CANX: variants seen among roughly 807,000 people sequenced by gnomAD.
The protein encoded by CANX is calnexin.
In CANX, 14 loss-of-function variants were observed where a neutral mutation model predicts 75.7. The observed-to-expected ratio is 0.19, with a 90% CI of 0.12 to 0.29. The LOEUF is 0.29. Among genes scored for constraint, CANX ranks in the 10% least tolerant of loss-of-function variants. The probability of loss-of-function intolerance (pLI) is 1.00; values close to 1 mark genes in which losing one functional copy is unlikely to be tolerated. For missense variants in CANX, 567 were observed against 713.2 expected, an observed-to-expected ratio of 0.79 and a Z score of 2.34; for synonymous variants, 227 against 236.9, an observed-to-expected ratio of 0.96 and a Z score of 0.38.
At chr5:179,697,002 T>C (rs1776420676), upstream of CANX, among the ~76,000 whole-genome samples, 2 of 152,242 alleles carry the variant, frequency 1.3e-5, no homozygotes, top group African/African-American at 4.8e-5. Flanking sequence ...TTGATGTTAC[T>C]ATTGTAATTG....
rs576637130 is a variant in CANX at position 179,682,744 on chromosome 5, G to A, written c.-4+3967G>A. Among the ~76,000 whole-genome samples, 35 of 149,404 alleles carry A rather than the reference G, an allele frequency of 2.3e-4. No individual in the cohort carries two copies. In the East Asian group the frequency reaches 6.1e-3, roughly 26 times the overall value. Reference sequence around the variant, plus strand: ...AAAAAAAAAACCCTAATTCTGATACGTACAGTGAAGAAAACAAACCAGGGA... The same window carrying A: ...AAAAAAAAAACCCTAATTCTGATACATACAGTGAAGAAAACAAACCAGGGA... On this transcript the variant is annotated intron_variant, in intron 1 of 14. Coordinates refer to the CANX transcript ENST00000681674.
At position 179,705,724 on chromosome 5, in the gene CANX, A is replaced by G. The variant is rs753040389; in HGVS notation, c.43A>G (p.Thr15Ala). 6 of 1,612,732 alleles carry G rather than the reference A, an allele frequency of 3.7e-6. No homozygotes were observed. The South Asian group carries it at 6.6e-5, about 18-fold the overall frequency. ...WLLCMLLVLG[T>A]AIVEAHDGHD... is the part of the protein sequence containing the mutation. The stretch of plus-strand genomic sequence containing the variant: ...GCTGTGTATGTTACTGGTGCTTGGA[A>G]CTGCTATTGTTGAGGCTCATGATGG... The change falls in exon 2 of 15, where the codon ACT becomes GCT. Residue 15 changes from threonine (T) to alanine (A), a missense_variant. Thr to Ala is a moderately conservative substitution (Grantham distance 58). This residue lies in a region of CANX where 351 missense variants were observed against 433.8 expected (regional missense o/e 0.81). Transcript: ENST00000247461.
At chr5:179,679,411 G>A in intron 1 of CANX, 3 of 660,490 alleles carry the variant, frequency 4.5e-6, no homozygotes, top group Non-Finnish European at 7.6e-6. Context: ...GTCGTTCCAC[G>A]CTGCACAGGC....
chr5:179,704,527 G>GA (rs548978305), intron 1 of CANX: 1,823 of 134,252 alleles, frequency 0.014, 30 homozygotes, highest in East Asian at 0.061. Context: ...CTCATCTCAG[G>GA]AAAAAAAAAA....
In CANX at chr5:179,726,669, T is replaced by G; in HGVS notation, c.1646-11T>G. 6.2e-7 allele frequency: 1 copy of G among 1,600,472 alleles called. No homozygotes were observed. Among genetic ancestry groups the G allele is most frequent in the South Asian group, 1.1e-5 (1 of 90,748 alleles). ...ATAAGGTTTTGCTCAGTTGTTTAAC[T>G]TCTGTCTTAGAAGAGAAACAGAAAA... On this transcript the variant is annotated splice_polypyrimidine_tract_variant and intron_variant, in intron 13 of 14. Transcript: ENST00000247461.
chr5:179,701,707 T>A (rs1776770893), intron 1 of CANX, among the ~76,000 whole-genome samples: 1 of 150,894 alleles, frequency 6.6e-6, no homozygotes, highest in Admixed American at 6.6e-5. Context: ...AAAGTCCTGG[T>A]TGAATTCTTT....
intron 7 of CANX, among the ~76,000 whole-genome samples, chr5:179,711,229 G>C (rs73338149): frequency 1.3e-5 from 2 of 151,966 alleles, no homozygotes; most frequent in African/African-American, 4.8e-5. Flanking sequence ...TTCCAAACCA[G>C]CCTGACAACA....
At chr5:179,715,854 T>G (rs767998829) in intron 7 of CANX, 1 of 540,490 alleles carries the variant, frequency 1.9e-6, no homozygotes. Flanking sequence ...ATAAGTCAAG[T>G]CTTTGGTGTT....
chr5:179,714,530 T>A (rs971205251), intron 7 of CANX, among the ~76,000 whole-genome samples: 9 of 151,988 alleles, frequency 5.9e-5, no homozygotes, highest in Admixed American at 3.9e-4. Context: ...TTTTATTTTT[T>A]TTTTTGAGAC....
intron 2 of CANX, 143 bp from the exon 3 acceptor site, chr5:179,706,115 A>G (rs1367603390): frequency 4.9e-6 from 3 of 609,382 alleles, no homozygotes; most frequent in Non-Finnish European, 8.5e-6. Flanking sequence ...TTGTCTTGCT[A>G]GAGGCCAATT....
At chr5:179,695,644 A>AGACAGGGTGTTACTC (rs981376237), upstream of CANX, among the ~76,000 whole-genome samples, 3 of 144,510 alleles carry the variant, frequency 2.1e-5, no homozygotes, top group Admixed American at 7.1e-5. Context: ...TTATTTATTT[A>AGACAGGGTGTTACTC]TTTATTTTTA....
At position 179,680,877 on chromosome 5, in the gene CANX, C is replaced by T. The variant is rs1175663410; in HGVS notation, c.-4+2100C>T. 12 of 1,536,476 alleles carry T rather than the reference C, an allele frequency of 7.8e-6. No individual in the cohort carries two copies. The Admixed American group carries it at 9.8e-5, about 13-fold the overall frequency. On this transcript the variant is annotated intron_variant, in intron 1 of 14. Transcript: ENST00000681674. ...CAGAGGCTGGATGGTACATACCATCCCCAAGATCTGGTTCAGGGAGATGGT... is the reference window on the plus strand; with the variant it reads ...CAGAGGCTGGATGGTACATACCATCTCCAAGATCTGGTTCAGGGAGATGGT...
At chr5:179,714,757 T>A (rs890817224) in intron 7 of CANX, among the ~76,000 whole-genome samples, 8 of 152,078 alleles carry the variant, frequency 5.3e-5, no homozygotes, top group Non-Finnish European at 7.4e-5. Context: ...GACCTCGTGA[T>A]TCGCCCGTCT....
intron 1 of CANX, 43 bp downstream of exon 1, chr5:179,699,145 C>G (rs957623322): frequency 6.1e-6 from 6 of 983,590 alleles, no homozygotes; most frequent in Non-Finnish European, 7.3e-6. Flanking sequence ...CTGTGAGGAC[C>G]TCGGGGGGCT....
intron 1 of CANX, among the ~76,000 whole-genome samples, chr5:179,701,865 A>G (rs1214948597): frequency 7.1e-6 from 1 of 140,546 alleles, no homozygotes; most frequent in Admixed American, 7.9e-5. Context: ...TCAGCCTCCC[A>G]AGTAGCTGGG....
chr5:179,727,987 A>G (rs1045795911), intron 14 of CANX, among the ~76,000 whole-genome samples: 34 of 152,160 alleles, frequency 2.2e-4, no homozygotes, highest in Admixed American at 1.3e-4. Flanking sequence ...CTGCCTTCCT[A>G]TTAATAAAGA....
chr5:179,689,403 T>TTTTTTTTC (rs1278971008), intron 1 of CANX, among the ~76,000 whole-genome samples: 1 of 149,482 alleles, frequency 6.7e-6, no homozygotes, highest in African/African-American at 2.5e-5. Flanking sequence ...TTTTTTTTTT[T>TTTTTTTTC]TGAGACAGAG....
At position 179,679,033 on chromosome 5, in the gene CANX, C is replaced by T. The variant is rs1039234880; in HGVS notation, c.-4+256C>T. On this transcript the variant is annotated intron_variant, in intron 1 of 14. Transcript: ENST00000681674. ...ACAGGGAGGGCATGCGGCGCAGTGGCGGCCGCCGTGGCGAGAAGGGCCGCG... is the reference window on the plus strand; with the variant it reads ...ACAGGGAGGGCATGCGGCGCAGTGGTGGCCGCCGTGGCGAGAAGGGCCGCG... 8 of 1,534,190 alleles carry T rather than the reference C, an allele frequency of 5.2e-6. No individual in the cohort carries two copies. The Admixed American group carries it at 7.9e-5, about 15-fold the overall frequency.
chr5:179,710,313 GT>G (rs1381131653), intron 7 of CANX, among the ~76,000 whole-genome samples: 1 of 151,384 alleles, frequency 6.6e-6, no homozygotes, highest in Admixed American at 6.6e-5. Flanking sequence ...ACCGAAGCTA[GT>G]TGGGAGGCTG....
Sources: allele counts gnomAD v4.1 joint callset (sites outside exome capture counted in the v4.1 genomes callset), GRCh38; gene constraint gnomAD v4.1.1; regional missense constraint gnomAD v4.1.1; transcripts MANE v1.5; gene names NCBI Gene and HGNC (gene_info 2026-07-23, HGNC 2026-07-21).